AZIN2: variants seen among roughly 807,000 people sequenced by gnomAD.
The protein encoded by AZIN2 is ODC antizyme inhibitor-2.
In AZIN2, 28 loss-of-function variants were observed where a neutral mutation model predicts 47.8. The observed-to-expected ratio is 0.59, with a 90% CI of 0.43 to 0.80. The LOEUF (loss-of-function observed/expected upper bound fraction) is 0.80, where lower values mean the gene tolerates loss of function less well. Among genes scored for constraint, AZIN2 ranks in the 30% least tolerant of loss-of-function variants. The probability of loss-of-function intolerance (pLI) is 0.00; values close to 1 mark genes in which losing one functional copy is unlikely to be tolerated. For missense variants in AZIN2, 535 were observed against 582.5 expected, an observed-to-expected ratio of 0.92 and a Z score of 0.84; for synonymous variants, 221 against 239.4, an observed-to-expected ratio of 0.92 and a Z score of 0.71.
intron 5 of AZIN2, among the ~76,000 whole-genome samples, chr1:33,085,352 GT>G (rs2124467224): frequency 6.6e-6 from 1 of 152,238 alleles, no homozygotes; most frequent in South Asian, 2.1e-4. Flanking sequence ...CTTTTAGATA[GT>G]TTGGCCAGGG....
intron 10 of AZIN2, among the ~76,000 whole-genome samples, chr1:33,108,347 T>C (rs1644121568): frequency 6.6e-6 from 1 of 151,274 alleles, no homozygotes. Flanking sequence ...ATTGACTTTT[T>C]TTTTTTTTTT....
the AZIN2 span, chr1:33,147,594 C>G: frequency 6.2e-7 from 1 of 1,614,164 alleles, no homozygotes; most frequent in Non-Finnish European, 8.5e-7. This position sits in a 1 kb window ranked among gnomAD's most constrained non-coding sequence, Gnocchi z 8.1. Context: ...GCACCGACAC[C>G]TCCACATCGA....
At chr1:33,089,228 T>G (rs937467380) in intron 5 of AZIN2, among the ~76,000 whole-genome samples, 6 of 152,154 alleles carry the variant, frequency 3.9e-5, no homozygotes, top group Non-Finnish European at 8.8e-5. Flanking sequence ...TAAGGTTAAA[T>G]GAGAATGTAT....
At chr1:33,110,023 G>A (rs968261878) in intron 10 of AZIN2, among the ~76,000 whole-genome samples, 2 of 152,192 alleles carry the variant, frequency 1.3e-5, no homozygotes, top group African/African-American at 4.8e-5. Flanking sequence ...CCAATAGGAT[G>A]CCCTTACATA....
intron 10 of AZIN2, among the ~76,000 whole-genome samples, chr1:33,107,855 T>C (rs566416942): frequency 2.4e-4 from 36 of 152,286 alleles, no homozygotes; most frequent in African/African-American, 8.7e-4. Context: ...AGATACCCCA[T>C]GTTTGTGAAT....
chr1:33,082,432 C>A, intron 4 of AZIN2, 78 bp downstream of exon 4: 1 of 995,182 alleles, frequency 1.0e-6, no homozygotes, highest in Admixed American at 2.6e-5. Context: ...TCCCTAGGGC[C>A]CTCATCTTAT....
chr1:33,134,406 G>A, the AZIN2 span, among the ~76,000 whole-genome samples: 2 of 152,210 alleles, frequency 1.3e-5, no homozygotes, highest in African/African-American at 2.4e-5. Flanking sequence ...TAGCTAAGGC[G>A]CTTAGGTAGC....
chr1:33,155,148 T>C, the AZIN2 span, among the ~76,000 whole-genome samples: 2 of 149,268 alleles, frequency 1.3e-5, no homozygotes, highest in Admixed American at 1.3e-4. Context: ...CTCGGCTCAT[T>C]GCAGCCTTCA....
At chr1:33,159,599 A>G in the AZIN2 span, 6 of 1,477,198 alleles carry the variant, frequency 4.1e-6, no homozygotes, top group Admixed American at 2.2e-5. The surrounding 1 kb of genome is among the most constrained non-coding windows in gnomAD (Gnocchi z 4.2). Flanking sequence ...ATTCTCTGCT[A>G]AGGATCCCAT....
chr1:33,082,444 CT>C, intron 4 of AZIN2, 90 bp downstream of exon 4: 1 of 861,252 alleles, frequency 1.2e-6, no homozygotes, highest in Non-Finnish European at 1.8e-6. Context: ...TCATCTTATC[CT>C]TTCGCTTATT....
rs771266704 is a variant in AZIN2 at position 33,082,288 on chromosome 1, G to A, written c.39G>A (p.Val13=). Residue 13 remains valine, a synonymous_variant, in exon 4 of 12, where the codon GTG becomes GTA. Transcript: ENST00000294517. ...GYLSESDFVM[V]EEGFSTRDLL... is the part of the protein sequence containing the mutation. Reference sequence around the variant, plus strand: ...TGAGTGAATCGGACTTTGTGATGGTGGAGGAGGGCTTCAGTACCCGAGACC... The same window carrying A: ...TGAGTGAATCGGACTTTGTGATGGTAGAGGAGGGCTTCAGTACCCGAGACC... 9 of 1,614,098 alleles carry A rather than the reference G, an allele frequency of 5.6e-6. No homozygotes were observed. In the Admixed American group the frequency reaches 1.5e-4, roughly 27 times the overall value.
At chr1:33,136,685 G>C in the AZIN2 span, among the ~76,000 whole-genome samples, 1 of 151,532 alleles carries the variant, frequency 6.6e-6, no homozygotes, top group Non-Finnish European at 1.5e-5. Flanking sequence ...GGCTGTTTCC[G>C]GTTCCCCAAC....
At chr1:33,136,109 CCAGCCCTT>C in the AZIN2 span, among the ~76,000 whole-genome samples, 1 of 144,712 alleles carries the variant, frequency 6.9e-6, no homozygotes, top group East Asian at 2.0e-4. Context: ...AGCCCAGGGG[CCAGCCCTT>C]CCTTCCTTCC....
chr1:33,141,157 C>T, the AZIN2 span, among the ~76,000 whole-genome samples: 1 of 151,964 alleles, frequency 6.6e-6, no homozygotes, highest in Non-Finnish European at 1.5e-5. Flanking sequence ...ATTTGATCAC[C>T]CTTTTGCCCC....
At chr1:33,112,845 G>A (rs970246586) in intron 10 of AZIN2, among the ~76,000 whole-genome samples, 4 of 151,770 alleles carry the variant, frequency 2.6e-5, no homozygotes, top group Non-Finnish European at 5.9e-5. Context: ...AACATCCTGG[G>A]GATTTTAATT....
chr1:33,138,243 G>A, the AZIN2 span, among the ~76,000 whole-genome samples: 1 of 152,146 alleles, frequency 6.6e-6, no homozygotes, highest in Non-Finnish European at 1.5e-5. Flanking sequence ...TGGCCCTGAG[G>A]TCACACAGCA....
At chr1:33,132,142 G>T in the AZIN2 span, among the ~76,000 whole-genome samples, 1 of 152,222 alleles carries the variant, frequency 6.6e-6, no homozygotes, top group Middle Eastern at 3.4e-3. Context: ...ATCTACTCTG[G>T]ATCCAGCTGC....
At chr1:33,112,698 C>G (rs571976731) in intron 10 of AZIN2, among the ~76,000 whole-genome samples, 1 of 152,030 alleles carries the variant, frequency 6.6e-6, no homozygotes, top group Non-Finnish European at 1.5e-5. Context: ...TATTGTCATT[C>G]GTTATATCTT....
Position 33,098,305 on chromosome 1 carries a change from C to T in AZIN2, c.1029+126C>T, listed in dbSNP as rs375354878. The T allele has an allele frequency of 2.7e-4, 179 of 670,038 alleles. 4 individuals carry two copies. Among genetic ancestry groups the T allele is most frequent in the South Asian group, 1.7e-3 (78 of 46,692 alleles). 41.5% of individuals were successfully genotyped at this position (670,038 alleles called of 1,614,324 possible). ...TGTCGATAATAGACAACAAGGATGA[C>T]GAAGGTTATCACCCATAATCCCACC... On this transcript the variant is annotated intron_variant, in intron 10 of 11. Transcript: ENST00000294517.
Sources: gnomAD v4.1 joint callset for allele counts (sites outside exome capture counted in the v4.1 genomes callset) on GRCh38, gnomAD v4.1.1 for gene constraint, Gnocchi (gnomAD v3.1) non-coding constraint, MANE v1.5 for transcripts, NCBI Gene and HGNC (gene_info 2026-07-23, HGNC 2026-07-21) for gene names.